Variants in ENAH observed in about 807,000 individuals in gnomAD.
The protein encoded by ENAH is protein enabled homolog.
In ENAH, 23 loss-of-function variants were observed where a neutral mutation model predicts 78.7. The ratio of observed to expected loss-of-function variants is 0.29; its 90% CI spans 0.21 to 0.41. The LOEUF (loss-of-function observed/expected upper bound fraction) is 0.41. Ranked by LOEUF, ENAH falls within the 10% of genes least tolerant of loss-of-function variation. The probability of loss-of-function intolerance (pLI) is 1.00; values close to 1 mark genes in which losing one functional copy is unlikely to be tolerated. For missense variants in ENAH, 544 were observed against 691.0 expected (o/e 0.79, Z 2.39); for synonymous variants, 226 against 241.0 (o/e 0.94, Z 0.58).
chr1:225,593,396 T>G, intron 1 of ENAH, among the ~76,000 whole-genome samples: 2 of 3,196 alleles, frequency 6.3e-4, no homozygotes, highest in South Asian at 0.011. Flanking sequence ...CCCCTGTGTG[T>G]GTGTGGGGGG....
chr1:225,534,782 A>C (rs1558771556), intron 3 of ENAH, among the ~76,000 whole-genome samples: 1 of 152,162 alleles, frequency 6.6e-6, no homozygotes, highest in Non-Finnish European at 1.5e-5. Context: ...GGAAATAAAA[A>C]GAATTTAGAC....
At chr1:225,564,474 T>A (rs988121481) in intron 2 of ENAH, among the ~76,000 whole-genome samples, 17 of 150,240 alleles carry the variant, frequency 1.1e-4, no homozygotes, top group Non-Finnish European at 2.2e-4. Context: ...TTTTTTTTTT[T>A]AGTAGAGACG....
intron 2 of ENAH, among the ~76,000 whole-genome samples, chr1:225,566,846 T>C (rs931422976): frequency 3.9e-5 from 6 of 152,194 alleles, no homozygotes; most frequent in Non-Finnish European, 8.8e-5. Context: ...TTTAACAGTA[T>C]TTTCTGAAAC....
chr1:225,553,663 C>T (rs571839423), intron 3 of ENAH, among the ~76,000 whole-genome samples: 4 of 151,932 alleles, frequency 2.6e-5, no homozygotes, highest in African/African-American at 9.6e-5. Flanking sequence ...TGATAGCATG[C>T]CAATAAAATA....
chr1:225,643,172 G>A (rs373647042), intron 1 of ENAH, among the ~76,000 whole-genome samples: 25 of 152,278 alleles, frequency 1.6e-4, no homozygotes, highest in Non-Finnish European at 2.4e-4. Context: ...CTAAGATGCC[G>A]CTGAAGGCTT....
chr1:225,530,662 G>A, intron 3 of ENAH, 24 bp from the exon 4 acceptor site: 1 of 1,536,426 alleles, frequency 6.5e-7, no homozygotes, highest in Non-Finnish European at 9.0e-7. Context: ...AAACATTACA[G>A]ATGAACATTA....
intron 2 of ENAH, among the ~76,000 whole-genome samples, chr1:225,557,574 A>G (rs1389811085): frequency 1.3e-5 from 2 of 152,186 alleles, no homozygotes; most frequent in Non-Finnish European, 2.9e-5. Flanking sequence ...TAATTCCAGC[A>G]CTTTGGGAGG....
At chr1:225,639,562 C>G (rs1179304667) in intron 1 of ENAH, among the ~76,000 whole-genome samples, 2 of 152,104 alleles carry the variant, frequency 1.3e-5, no homozygotes, top group African/African-American at 4.8e-5. Flanking sequence ...TATGAGACAG[C>G]AAGAAGGCCC....
intron 1 of ENAH, among the ~76,000 whole-genome samples, chr1:225,598,891 G>T (rs567910750): frequency 1.3e-5 from 2 of 151,854 alleles, no homozygotes; most frequent in Admixed American, 6.6e-5. Flanking sequence ...ACTGAGTTAG[G>T]GAGTGTTAGT....
intron 1 of ENAH, among the ~76,000 whole-genome samples, chr1:225,595,249 C>T (rs539746316): frequency 6.4e-4 from 97 of 152,072 alleles, no homozygotes; most frequent in African/African-American, 2.1e-3. Context: ...AGGAGAATCG[C>T]TTGAACACGG....
chr1:225,621,666 A>G (rs2148262386), intron 1 of ENAH, among the ~76,000 whole-genome samples: 1 of 152,176 alleles, frequency 6.6e-6, no homozygotes, highest in African/African-American at 2.4e-5. Flanking sequence ...CAATCTCCCA[A>G]ATTCTTCATT....
Position 225,587,966 on chromosome 1 carries a change from A to T in ENAH, c.6-20552T>A, listed in dbSNP as rs550501109. 2.6e-5 allele frequency among the ~76,000 whole-genome samples: 4 copies of T among 152,318 alleles called. No homozygotes were observed. In the East Asian group the frequency reaches 7.7e-4, roughly 29 times the overall value. Reference sequence around the variant, plus strand: ...AATCTCAATGCATACCTCACACCATACAAAAAAATTATTCAAGATATATCG... The same window carrying T: ...AATCTCAATGCATACCTCACACCATTCAAAAAAATTATTCAAGATATATCG... On this transcript the variant is annotated intron_variant, in intron 1 of 13. Coordinates refer to ENST00000366843, the MANE Select transcript of ENAH (RefSeq NM_018212.6).
At chr1:225,651,405 AT>A (rs1425334941) in intron 1 of ENAH, among the ~76,000 whole-genome samples, 2 of 152,200 alleles carry the variant, frequency 1.3e-5, no homozygotes, top group African/African-American at 4.8e-5. Flanking sequence ...GAAAAAAAAA[AT>A]GAAAAGCAAA....
At chr1:225,626,973 C>T (rs1256275249) in intron 1 of ENAH, among the ~76,000 whole-genome samples, 1 of 152,136 alleles carries the variant, frequency 6.6e-6, no homozygotes, top group Non-Finnish European at 1.5e-5. Context: ...AAGTACATAT[C>T]ATATGAGAAA....
intron 1 of ENAH, among the ~76,000 whole-genome samples, chr1:225,590,345 G>A (rs971392939): frequency 6.6e-6 from 1 of 151,558 alleles, no homozygotes; most frequent in South Asian, 2.1e-4. Flanking sequence ...GCATGATGGC[G>A]CACACCTACT....
chr1:225,540,521 A>T (rs1264676245), intron 3 of ENAH, among the ~76,000 whole-genome samples: 3 of 152,146 alleles, frequency 2.0e-5, no homozygotes, highest in Non-Finnish European at 4.4e-5. Flanking sequence ...GGAAAAAATG[A>T]AGGCAGTGAA....
Position 225,530,622 on chromosome 1 carries a change from T to C in ENAH, c.366A>G (p.Arg122=). 6.2e-7 allele frequency: 1 copy of C among 1,613,352 alleles called. No individual in the cohort carries two copies. The highest frequency in any genetic ancestry group is 8.5e-7 in the Non-Finnish European group (1 of 1,179,420). The stretch of plus-strand genomic sequence containing the variant: ...CTTGAGCAGGTAGTTGTGAGTTTTG[T>C]CTAGGCAATGTTGGCCCTACAGAGG... The part of the protein sequence containing the change: ...NSQETGPTLP[R]QNSQLPAQVQ... Residue 122 remains arginine (R), a synonymous_variant, in exon 4 of 14, where the codon AGA becomes AGG. Coordinates refer to ENST00000366843, the MANE Select transcript of ENAH (RefSeq NM_018212.6).
Position 225,514,798 on chromosome 1 carries a change from G to A in ENAH, c.1016C>T (p.Pro339Leu), listed in dbSNP as rs2096404867. ...AGGCCCGGTGGATGGGAGTGGAGGA[G>A]GTGGAGGGGGCCCTGGGGGAGGAGG... ...ALPPPPGPPP[P>L]PPLPSTGPPP... Residue 339 changes from proline to leucine, a missense_variant, in exon 7 of 14, where the codon CCT (proline) becomes CTT (leucine). This residue lies in a region of ENAH where 366 missense variants were observed against 396.1 expected (regional missense o/e 0.92). Transcript: ENST00000366843. 1.3e-6 allele frequency: 2 copies of A among 1,523,712 alleles called. No individual in the cohort carries two copies. Among genetic ancestry groups the A allele is most frequent in the Non-Finnish European group, 1.8e-6 (2 of 1,137,196 alleles). The allele number at this position is 1,523,712 out of a possible 1,614,324, so 94.4% of individuals were successfully genotyped here.
chr1:225,518,595 T>C (rs1327699211), intron 5 of ENAH, among the ~76,000 whole-genome samples: 2 of 152,340 alleles, frequency 1.3e-5, no homozygotes, highest in South Asian at 2.1e-4. Flanking sequence ...AGGAATATTC[T>C]TAAATCCTAT....
Sources: gnomAD v4.1 joint callset for allele counts (sites outside exome capture counted in the v4.1 genomes callset) on GRCh38, gnomAD v4.1.1 for gene constraint, gnomAD v4.1.1 regional missense constraint, MANE v1.5 for transcripts, NCBI Gene and HGNC (gene_info 2026-07-23, HGNC 2026-07-21) for gene names.